Variants in CHAF1A observed in about 807,000 individuals in gnomAD.
CHAF1A encodes CAF-1 subunit A.
A neutral mutation model predicts 93.2 loss-of-function variants in CHAF1A; 5 were observed. The observed-to-expected ratio is 0.05, with a 90% CI of 0.03 to 0.11. CHAF1A has a LOEUF of 0.11. Ranked by LOEUF, CHAF1A falls within the 10% of genes least tolerant of loss-of-function variation. The pLI is 1.00. For synonymous variants in CHAF1A, 504 were observed against 510.3 expected, an observed-to-expected ratio of 0.99 and a Z score of 0.17; for missense variants, 1,102 against 1,259.9, an observed-to-expected ratio of 0.87 and a Z score of 1.90.
intron 10 of CHAF1A, chr19:4,430,044 G>GC: frequency 2.1e-6 from 1 of 469,262 alleles, no homozygotes; most frequent in East Asian, 4.1e-5. Context: ...TGGCCCCACA[G>GC]CCCCCTCTTG....
In CHAF1A at chr19:4,433,872, T is replaced by A. The variant is rs1974235773; in HGVS notation, c.2673+333T>A. ...GCCTTGTCCTCCCAAAGTGCTGGGA[T>A]TACAGGCGTGAGCCACCTCGCCTGG... is the stretch of plus-strand genomic sequence containing the variant. On this transcript the variant is annotated intron_variant, in intron 13 of 14. Coordinates refer to ENST00000301280, the MANE Select transcript of CHAF1A (RefSeq NM_005483.3). The surrounding 1 kb of genome is among the most constrained non-coding windows in gnomAD (Gnocchi z 5.6). Among the ~76,000 whole-genome samples, 3 of 152,114 alleles carry A rather than the reference T, an allele frequency of 2.0e-5. No individual in the cohort carries two copies. Among genetic ancestry groups the A allele is most frequent in the African/African-American group, 7.2e-5 (3 of 41,436 alleles).
chr19:4,415,524 C>T (rs182909421), intron 3 of CHAF1A, among the ~76,000 whole-genome samples: 261 of 152,328 alleles, frequency 1.7e-3, no homozygotes, highest in African/African-American at 6.1e-3. Flanking sequence ...AGCTGCGGCT[C>T]CCATATTCTG....
chr19:4,437,233 T>C (rs867319635), intron 13 of CHAF1A, among the ~76,000 whole-genome samples: 3 of 152,004 alleles, frequency 2.0e-5, no homozygotes. Context: ...TAAACGTCCC[T>C]GGGGAGCAGG....
At chr19:4,442,457 C>A (rs1322563336) in intron 14 of CHAF1A, 116 bp downstream of exon 14, 4 of 882,708 alleles carry the variant, frequency 4.5e-6, no homozygotes, top group Middle Eastern at 2.5e-4. Flanking sequence ...GCCAGGAGGG[C>A]TTGCAGCTGG....
chr19:4,445,866 G>A, downstream of CHAF1A: 1 of 1,091,606 alleles, frequency 9.2e-7, no homozygotes, highest in African/African-American at 1.6e-5. Flanking sequence ...GAGGCGTGGA[G>A]TAGTTATGAA....
chr19:4,424,905 G>T (rs1974054101), intron 7 of CHAF1A, among the ~76,000 whole-genome samples: 1 of 152,170 alleles, frequency 6.6e-6, no homozygotes, highest in Admixed American at 6.5e-5. Context: ...GAAGTGCCGG[G>T]ATTATAGGCG....
intron 3 of CHAF1A, 74 bp from the exon 4 acceptor site, chr19:4,417,946 C>T (rs954835927): frequency 3.7e-6 from 4 of 1,081,992 alleles, no homozygotes; most frequent in Non-Finnish European, 5.5e-6. Context: ...AAACTGATCA[C>T]CTGGAAAGGT....
Position 4,405,926 on chromosome 19 carries a change from G to A in CHAF1A, c.67G>A (p.Asp23Asn). Residue 23 changes from aspartate to asparagine, a missense_variant, in exon 2 of 15, where the codon GAT becomes AAT. Asp to Asn is a conservative substitution (Grantham distance 23). This residue lies in a region of CHAF1A where 28 missense variants were observed against 56.5 expected (regional missense o/e 0.50). Coordinates refer to ENST00000301280, the MANE Select transcript of CHAF1A (RefSeq NM_005483.3). ...RGAATAMDCK[D>N]RPAFPVKKLI... ...TTTATTTGCAGCCATGGATTGCAAA[G>A]ATAGACCAGCTTTTCCAGTTAAGAA... is the stretch of plus-strand genomic sequence containing the variant. 6.2e-7 allele frequency: 1 copy of A among 1,613,650 alleles called. No homozygotes were observed. Among genetic ancestry groups the A allele is most frequent in the Non-Finnish European group, 8.5e-7 (1 of 1,179,560 alleles).
chr19:4,408,499 A>G (rs1189687158), intron 2 of CHAF1A, among the ~76,000 whole-genome samples: 17 of 24,846 alleles, frequency 6.8e-4, no homozygotes, highest in South Asian at 1.8e-3. Context: ...TTTGAGAGGG[A>G]GTCTGTCTCT....
At chr19:4,426,840 C>T (rs1192364455) in intron 7 of CHAF1A, among the ~76,000 whole-genome samples, 4 of 151,934 alleles carry the variant, frequency 2.6e-5, no homozygotes, top group Non-Finnish European at 5.9e-5. Flanking sequence ...CCTGTAATCT[C>T]AGCATTTGGG....
intron 13 of CHAF1A, among the ~76,000 whole-genome samples, chr19:4,441,422 A>G (rs946051112): frequency 2.0e-5 from 3 of 151,920 alleles, no homozygotes; most frequent in African/African-American, 4.8e-5. Flanking sequence ...AGCTTGACCA[A>G]CATGGTGAAA....
Position 4,410,838 on chromosome 19 carries a change from G to A in CHAF1A, c.960+1079G>A, listed in dbSNP as rs138482834. Among the ~76,000 whole-genome samples the A allele has an allele frequency of 3.3e-5, 5 of 152,274 alleles. No homozygotes were observed. In the East Asian group the frequency reaches 7.7e-4, roughly 24 times the overall value. ...CGCGCTCCAGCCTGGGTGACAGAGC[G>A]AGACCCCATCTGGAACCATTTTTAA... On this transcript the variant is annotated intron_variant, in intron 3 of 14. Transcript: ENST00000301280.
Position 4,422,768 on chromosome 19 carries a change from G to A in CHAF1A, c.1220G>A (p.Arg407Gln), listed in dbSNP as rs369420906. 6.2e-6 allele frequency: 10 copies of A among 1,612,752 alleles called. No homozygotes were observed. The highest frequency in any genetic ancestry group is 4.0e-5 in the African/African-American group (3 of 74,878). The change falls in exon 5 of 15, where the codon CGG (arginine) becomes CAG (glutamine). Residue 407 changes from arginine to glutamine, a missense_variant. Physicochemically the swap from Arg to Gln is conservative, Grantham distance 43. Coordinates refer to ENST00000301280, the MANE Select transcript of CHAF1A (RefSeq NM_005483.3). The surrounding 1 kb of genome is among the most constrained non-coding windows in gnomAD (Gnocchi z 4.6). Reference protein sequence around the residue: ...KAEKQRLKEERRKERQEALEA... With the variant: ...KAEKQRLKEEQRKERQEALEA... ...GAGAAGCAGCGGCTCAAGGAGGAGC[G>A]GCGCAAGGAGAGACAGGAAGCCCTG...
At chr19:4,419,029 A>ATTTTTTTTTTTT (rs11406470) in intron 4 of CHAF1A, among the ~76,000 whole-genome samples, 256 of 96,406 alleles carry the variant, frequency 2.7e-3, no homozygotes, top group East Asian at 3.1e-3. Flanking sequence ...TAGCCAGCTA[A>ATTTTTTTTTTTT]TTTTTTTTTT....
Position 4,423,788 on chromosome 19 carries a change from C to T in CHAF1A, c.1309-18C>T, listed in dbSNP as rs1391111521. The T allele has an allele frequency of 6.2e-7, 1 of 1,612,646 alleles. No individual in the cohort carries two copies. The highest frequency in any genetic ancestry group is 1.7e-5 in the Admixed American group (1 of 59,992). ...CTCTTCCTCTCCTCTTTCTCATCACCATCTCTTAACATCACAGCGCATTAA... is the reference window on the plus strand; with the variant it reads ...CTCTTCCTCTCCTCTTTCTCATCACTATCTCTTAACATCACAGCGCATTAA... On this transcript the variant is annotated intron_variant, in intron 6 of 14. Coordinates refer to ENST00000301280, the MANE Select transcript of CHAF1A (RefSeq NM_005483.3).
chr19:4,446,490 T>A (rs1974526600), downstream of CHAF1A: 1 of 1,603,336 alleles, frequency 6.2e-7, no homozygotes, highest in African/African-American at 1.3e-5. Context: ...TCCGCGGACG[T>A]CAGGCCCACC....
chr19:4,426,741 TGGGATTACAG>T (rs1974088727), intron 7 of CHAF1A, among the ~76,000 whole-genome samples: 1 of 152,210 alleles, frequency 6.6e-6, no homozygotes, highest in Admixed American at 6.5e-5. Flanking sequence ...CCCAAAGTGC[TGGGATTACAG>T]GTGTGAGCCA....
At chr19:4,430,144 C>T (rs759337965) in intron 10 of CHAF1A, 4 of 349,536 alleles carry the variant, frequency 1.1e-5, no homozygotes, top group Non-Finnish European at 1.1e-5. Context: ...CCGTGTCTGT[C>T]GGGAGGCCAT....
chr19:4,445,471 A>G, downstream of CHAF1A: 1 of 1,613,230 alleles, frequency 6.2e-7, no homozygotes, highest in Non-Finnish European at 8.5e-7. Flanking sequence ...ACAGACCCAC[A>G]GGGCTGAGGC....
Sources: allele counts gnomAD v4.1 joint callset (sites outside exome capture counted in the v4.1 genomes callset), GRCh38; gene constraint gnomAD v4.1.1; regional missense constraint gnomAD v4.1.1; non-coding constraint Gnocchi (gnomAD v3.1); transcripts MANE v1.5; gene names NCBI Gene and HGNC (gene_info 2026-07-23, HGNC 2026-07-21).